Variants in PRR16 observed in about 807,000 individuals in gnomAD.
PRR16 encodes proline rich 16, also known as protein Largen.
Under a neutral mutation model 18.2 loss-of-function variants are expected in PRR16, and 6 were observed. The ratio of observed to expected loss-of-function variants is 0.33; its 90% CI spans 0.18 to 0.65. The LOEUF is 0.65. Among genes scored for constraint, PRR16 ranks in the 30% least tolerant of loss-of-function variants. The probability of loss-of-function intolerance (pLI) is 0.74; values close to 1 mark genes in which losing one functional copy is unlikely to be tolerated. For synonymous variants in PRR16, 151 were observed against 147.8 expected (o/e 1.02, Z -0.16); for missense variants, 412 against 376.6 (o/e 1.09, Z -0.78).
At chr5:120,750,908 A>G in the PRR16 span, among the ~76,000 whole-genome samples, 13 of 152,138 alleles carry the variant, frequency 8.5e-5, no homozygotes, top group Non-Finnish European at 1.8e-4. Flanking sequence ...ATTAGAACTT[A>G]TTCCTTCATC....
chr5:120,517,415 C>T lies in PRR16; in HGVS notation c.159+52770C>T, dbSNP rs116550889. Among the ~76,000 whole-genome samples the T allele has an allele frequency of 5.9e-3, 904 of 152,172 alleles. 12 individuals carry two copies. Among genetic ancestry groups the T allele is most frequent in the African/African-American group, 0.02 (817 of 41,522 alleles). Reference sequence around the variant, plus strand: ...TTCCCACAAACCCTCACTAACTATGCTTGAGACTTTTGCTTGTATTCCTGG... The same window carrying T: ...TTCCCACAAACCCTCACTAACTATGTTTGAGACTTTTGCTTGTATTCCTGG... On this transcript the variant is annotated intron_variant, in intron 1 of 1. Transcript: ENST00000407149.
the PRR16 span, among the ~76,000 whole-genome samples, chr5:120,758,974 C>CTTTTTTT: frequency 8.2e-5 from 9 of 110,352 alleles, no homozygotes; most frequent in Non-Finnish European, 1.2e-4. Context: ...ACCATAATTT[C>CTTTTTTT]TTTTTTTTTT....
the PRR16 span, among the ~76,000 whole-genome samples, chr5:120,722,137 C>A: frequency 6.6e-6 from 1 of 151,906 alleles, no homozygotes; most frequent in Admixed American, 6.6e-5. Context: ...TTTTCTGTTC[C>A]TGTGTTAGTT....
the PRR16 span, among the ~76,000 whole-genome samples, chr5:120,740,577 C>A: frequency 0.49 from 75,141 of 151,900 alleles, 19,406 homozygotes; most frequent in East Asian, 0.79. Flanking sequence ...GTTTCTTTGG[C>A]CTACTTTTGT....
At chr5:120,722,297 C>T in the PRR16 span, among the ~76,000 whole-genome samples, 1 of 151,984 alleles carries the variant, frequency 6.6e-6, no homozygotes, top group Non-Finnish European at 1.5e-5. Context: ...GACTCTGATA[C>T]TATCGTTCTG....
chr5:120,649,615 A>G (rs1462405794), intron 1 of PRR16, among the ~76,000 whole-genome samples: 1 of 152,156 alleles, frequency 6.6e-6, no homozygotes, highest in Non-Finnish European at 1.5e-5. Context: ...AATGACATTA[A>G]AAAGCTGGGG....
At chr5:120,630,728 C>T (rs934280720) in intron 1 of PRR16, among the ~76,000 whole-genome samples, 1 of 152,048 alleles carries the variant, frequency 6.6e-6, no homozygotes, top group Non-Finnish European at 1.5e-5. Flanking sequence ...CCTCATTATC[C>T]GTGGTCTACA....
the PRR16 span, among the ~76,000 whole-genome samples, chr5:120,738,636 C>T: frequency 2.0e-5 from 3 of 152,208 alleles, no homozygotes; most frequent in East Asian, 1.9e-4. Context: ...TAAAAGTTCA[C>T]GGGTTCACAG....
At chr5:120,704,338 G>C in the PRR16 span, among the ~76,000 whole-genome samples, 1 of 152,120 alleles carries the variant, frequency 6.6e-6, no homozygotes, top group African/African-American at 2.4e-5. Flanking sequence ...TTATTGGCTT[G>C]AGACTGTTTT....
chr5:120,542,293 A>T (rs891619403), intron 1 of PRR16, among the ~76,000 whole-genome samples: 17 of 152,138 alleles, frequency 1.1e-4, no homozygotes, highest in African/African-American at 3.9e-4. Flanking sequence ...CTCGTATGGC[A>T]TTCTCATCTT....
chr5:120,474,439 C>T (rs2112802265), intron 1 of PRR16, among the ~76,000 whole-genome samples: 1 of 152,178 alleles, frequency 6.6e-6, no homozygotes, highest in South Asian at 2.1e-4. Flanking sequence ...AACTAGGAAC[C>T]CAAAGGACTA....
chr5:120,664,090 T>C (rs1756272548), intron 1 of PRR16, among the ~76,000 whole-genome samples: 1 of 151,988 alleles, frequency 6.6e-6, no homozygotes, highest in African/African-American at 2.4e-5. Flanking sequence ...CCTGAGGTCA[T>C]GAGTTCGAGA....
rs1751503419 is a variant in PRR16 at position 120,530,270 on chromosome 5, TATATA to T, written c.159+65626_159+65630del. Among the ~76,000 whole-genome samples the T allele has an allele frequency of 2.4e-5, 3 of 124,352 alleles. 1 individual carries two copies. Among genetic ancestry groups the T allele is most frequent in the African/African-American group, 1.0e-4 (3 of 29,032 alleles). 81.6% of individuals were successfully genotyped at this position (124,352 alleles called of 152,430 possible). A position where few individuals can be genotyped will look rare whatever the true frequency, so the allele number is the denominator to read the frequency against. ...GTGTGTGTAAATATATATATATATA[TATATA>T]TATATATATTTATTTATTTATTTAT... On this transcript the variant is annotated intron_variant, in intron 1 of 1. Coordinates refer to ENST00000407149, the MANE Select transcript of PRR16 (RefSeq NM_001300783.2).
Position 120,601,324 on chromosome 5 carries a change from A to G in PRR16, c.160-84630A>G, listed in dbSNP as rs116788943. Among the ~76,000 whole-genome samples the G allele has an allele frequency of 2.1e-3, 319 of 152,152 alleles. 2 individuals carry two copies. The highest frequency in any genetic ancestry group is 6.8e-3 in the Middle Eastern group (2 of 294). On this transcript the variant is annotated intron_variant, in intron 1 of 1. Transcript: ENST00000407149. ...TTTGATTTGCATTTCTCTGATGATCAGTGATACTGAACTTTTTTATATGCT... is the reference window on the plus strand; with the variant it reads ...TTTGATTTGCATTTCTCTGATGATCGGTGATACTGAACTTTTTTATATGCT...
intron 1 of PRR16, among the ~76,000 whole-genome samples, chr5:120,676,079 A>G (rs1001245540): frequency 1.3e-5 from 2 of 152,156 alleles, no homozygotes; most frequent in African/African-American, 2.4e-5. Flanking sequence ...ACTTTCTGAC[A>G]GTATGATTAG....
chr5:120,734,025 T>A, the PRR16 span, among the ~76,000 whole-genome samples: 1 of 152,232 alleles, frequency 6.6e-6, no homozygotes, highest in Non-Finnish European at 1.5e-5. Flanking sequence ...TTAATACAAC[T>A]GTGTGACTGA....
the PRR16 span, among the ~76,000 whole-genome samples, chr5:120,778,637 AT>A: frequency 6.6e-6 from 1 of 152,156 alleles, no homozygotes; most frequent in Non-Finnish European, 1.5e-5. Flanking sequence ...ACGTGATTGT[AT>A]TCAGCAGATT....
Position 120,630,177 on chromosome 5 carries a change from C to T in PRR16, c.160-55777C>T, listed in dbSNP as rs185681320. On this transcript the variant is annotated intron_variant, in intron 1 of 1. Coordinates refer to ENST00000407149, the MANE Select transcript of PRR16 (RefSeq NM_001300783.2). Reference sequence around the variant, plus strand: ...TTGTTTTTTCTTATTTTATCATTTACATCTCCTAACCACTTTTTCTAATTT... The same window carrying T: ...TTGTTTTTTCTTATTTTATCATTTATATCTCCTAACCACTTTTTCTAATTT... Among the ~76,000 whole-genome samples the T allele has an allele frequency of 1.5e-3, 233 of 152,064 alleles. 1 individual carries two copies. The highest frequency in any genetic ancestry group is 2.8e-3 in the Non-Finnish European group (192 of 67,992).
At chr5:120,775,824 T>C in the PRR16 span, among the ~76,000 whole-genome samples, 2 of 148,360 alleles carry the variant, frequency 1.3e-5, no homozygotes, top group Admixed American at 6.8e-5. Context: ...TTTTTTGTAT[T>C]TTTAGTAGAG....
Sources: gnomAD v4.1 joint callset for allele counts (sites outside exome capture counted in the v4.1 genomes callset) on GRCh38, gnomAD v4.1.1 for gene constraint, MANE v1.5 for transcripts, NCBI Gene and HGNC (gene_info 2026-07-23, HGNC 2026-07-21) for gene names.